OPHN1: variants seen among roughly 807,000 people sequenced by gnomAD.
OPHN1 encodes the protein oligophrenin 1, also known as oligophrenin-1.
In OPHN1, 11 loss-of-function variants were observed where a neutral mutation model predicts 60.7. That is an observed-to-expected ratio of 0.18 (90% CI 0.11 to 0.30). OPHN1 has a LOEUF of 0.30. Among genes scored for constraint, OPHN1 ranks in the 10% least tolerant of loss-of-function variants. The pLI, the probability that OPHN1 is intolerant of heterozygous loss-of-function variation, is 1.00. For missense variants in OPHN1, 449 were observed against 611.0 expected (o/e 0.73, Z 2.80); for synonymous variants, 226 against 222.6 (o/e 1.02, Z -0.14).
chrX:68,348,525 C>T (rs2147700141), intron 2 of OPHN1, among the ~76,000 whole-genome samples: 1 of 96,396 alleles, frequency 1.0e-5, no homozygotes, highest in African/African-American at 4.9e-5. Context: ...TTAGAAAAGA[C>T]TAGAATATGT....
At chrX:68,154,913 A>AT (rs1355103274) in intron 15 of OPHN1, among the ~76,000 whole-genome samples, 3 of 108,908 alleles carry the variant, frequency 2.8e-5, no homozygotes, top group Non-Finnish European at 5.7e-5. Context: ...AGTAGCAGAG[A>AT]TTTTTTTTAA....
At chrX:68,048,525 T>C (rs2076839864) in intron 23 of OPHN1, 68 bp from the exon 24 acceptor site, 7 of 974,759 alleles carry the variant, frequency 7.2e-6, no homozygotes, top group Admixed American at 2.2e-5. Flanking sequence ...ATTGGGGGAA[T>C]GGGGGACACT....
Position 68,213,939 on chromosome X carries a change from A to C in OPHN1, c.520T>G (p.Phe174Val). ...DLQVDKERHN[F>V]FESSLDYVYQ... Reference sequence around the variant, plus strand: ...ACATAATCAAGAGAGGACTCGAAAAAATTGTGCCTCTCCTTGTCCACCTGT... The same window carrying C: ...ACATAATCAAGAGAGGACTCGAAAACATTGTGCCTCTCCTTGTCCACCTGT... The change falls in exon 7 of 25, where the codon TTT (phenylalanine) becomes GTT (valine). Residue 174 changes from phenylalanine (F) to valine (V), a missense_variant. Transcript: ENST00000355520. 1 of 1,202,083 alleles carries C rather than the reference A, an allele frequency of 8.3e-7. No homozygotes were observed. The highest frequency in any genetic ancestry group is 1.1e-6 in the Non-Finnish European group (1 of 887,791).
At chrX:68,233,665 T>A (rs972751968) in intron 6 of OPHN1, among the ~76,000 whole-genome samples, 3 of 111,183 alleles carry the variant, frequency 2.7e-5, no homozygotes, top group Admixed American at 9.6e-5. Context: ...GTTCCTTCCA[T>A]CCTTGGGCCA....
At chrX:68,097,588 T>A (rs1182421506) in intron 18 of OPHN1, among the ~76,000 whole-genome samples, 1 of 111,742 alleles carries the variant, frequency 8.9e-6, no homozygotes, top group Admixed American at 9.5e-5. Flanking sequence ...TCACAGTCAA[T>A]TAGCTGTAGA....
intron 19 of OPHN1, among the ~76,000 whole-genome samples, chrX:68,091,197 A>G (rs2077016495): frequency 9.0e-6 from 1 of 111,415 alleles, no homozygotes. Flanking sequence ...AATACGATCC[A>G]TCATTCACAG....
intron 2 of OPHN1, among the ~76,000 whole-genome samples, chrX:68,314,443 A>C (rs1296976574): frequency 2.7e-5 from 3 of 110,473 alleles, no homozygotes; most frequent in African/African-American, 9.9e-5. Context: ...ATTGCTGGAA[A>C]CCAGGAGGTG....
At chrX:68,359,855 CAA>C (rs1186524030) in intron 2 of OPHN1, among the ~76,000 whole-genome samples, 10 of 19,219 alleles carry the variant, frequency 5.2e-4, no homozygotes, top group East Asian at 3.1e-3. Context: ...GACTCCGTCT[CAA>C]AAAAAAAAAA....
chrX:68,086,732 T>C (rs1020107629), intron 19 of OPHN1, among the ~76,000 whole-genome samples: 1 of 111,931 alleles, frequency 8.9e-6, no homozygotes, highest in Non-Finnish European at 1.9e-5. Flanking sequence ...TGACAGGGTA[T>C]AGGCCTTCAT....
intron 20 of OPHN1, among the ~76,000 whole-genome samples, chrX:68,069,880 G>T (rs1319355406): frequency 9.0e-6 from 1 of 111,437 alleles, no homozygotes; most frequent in Non-Finnish European, 1.9e-5. Context: ...TTTGACACAA[G>T]TAAGGACCTG....
intron 5 of OPHN1, among the ~76,000 whole-genome samples, chrX:68,271,221 C>T (rs1021230219): frequency 1.8e-5 from 2 of 110,759 alleles, no homozygotes; most frequent in African/African-American, 6.6e-5. Flanking sequence ...GGGGTTCAGA[C>T]CTCACTTGAA....
intron 14 of OPHN1, among the ~76,000 whole-genome samples, chrX:68,193,628 A>G (rs2077498359): frequency 8.9e-6 from 1 of 111,844 alleles, no homozygotes; most frequent in African/African-American, 3.2e-5. Flanking sequence ...GGATAGAACC[A>G]TCATGACACT....
intron 18 of OPHN1, chrX:68,102,002 G>T (rs2077061091): frequency 8.9e-6 from 1 of 112,103 alleles, no homozygotes; most frequent in Admixed American, 9.5e-5. Context: ...ACAAAACTAG[G>T]AAGTAACATT....
intron 2 of OPHN1, among the ~76,000 whole-genome samples, chrX:68,346,536 G>A (rs2078379937): frequency 8.9e-6 from 1 of 112,186 alleles, no homozygotes; most frequent in African/African-American, 3.2e-5. Context: ...TTGGAATACA[G>A]CAAATAGCTG....
intron 2 of OPHN1, chrX:68,336,301 T>C (rs1232031016): frequency 9.0e-6 from 1 of 110,854 alleles, no homozygotes; most frequent in African/African-American, 3.3e-5. Flanking sequence ...GGCAAAAGGA[T>C]TGCTTGAGCC....
At chrX:68,182,289 T>C (rs1465497788) in intron 15 of OPHN1, among the ~76,000 whole-genome samples, 1 of 100,846 alleles carries the variant, frequency 9.9e-6, no homozygotes, top group Non-Finnish European at 2.0e-5. Flanking sequence ...CATGTTCCTC[T>C]CAGGAACATG....
intron 18 of OPHN1, among the ~76,000 whole-genome samples, chrX:68,105,606 G>A (rs936717666): frequency 1.0e-5 from 1 of 99,557 alleles, no homozygotes; most frequent in Non-Finnish European, 2.0e-5. Flanking sequence ...GAGTTGAACA[G>A]TGAGAACACA....
chrX:68,192,131 T>C (rs1213493449), intron 15 of OPHN1, among the ~76,000 whole-genome samples: 4 of 109,247 alleles, frequency 3.7e-5, no homozygotes, highest in Non-Finnish European at 7.6e-5. Context: ...GATAGAACTG[T>C]AGGAAACACA....
intron 15 of OPHN1, among the ~76,000 whole-genome samples, chrX:68,140,383 T>G (rs773375334): frequency 8.9e-6 from 1 of 112,230 alleles, no homozygotes; most frequent in African/African-American, 3.2e-5. Flanking sequence ...GCAAAGACCA[T>G]GTACGATTTT....
Sources: gnomAD v4.1 joint callset for allele counts (sites outside exome capture counted in the v4.1 genomes callset) on GRCh38, gnomAD v4.1.1 for gene constraint, MANE v1.5 for transcripts, NCBI Gene and HGNC (gene_info 2026-07-23, HGNC 2026-07-21) for gene names.